MAST4: variants seen among roughly 807,000 people sequenced by gnomAD.
MAST4 encodes the protein microtubule-associated serine/threonine-protein kinase 4.
In MAST4, 89 loss-of-function variants were observed where a neutral mutation model predicts 162.7. That is an observed-to-expected ratio of 0.55 (90% CI 0.46 to 0.65). The LOEUF is 0.65. Among genes scored for constraint, MAST4 ranks in the 30% least tolerant of loss-of-function variants. The pLI is 0.00. For missense variants in MAST4, 3,153 were observed against 3,374.0 expected (o/e 0.93, Z 1.62); for synonymous variants, 1,479 against 1,361.1 (o/e 1.09, Z -1.91).
chr5:66,816,387 A>G (rs971023008), intron 3 of MAST4, among the ~76,000 whole-genome samples: 12 of 152,150 alleles, frequency 7.9e-5, no homozygotes, highest in African/African-American at 2.4e-4. Context: ...TTTCTAATCA[A>G]TCACCTCTCT....
chr5:66,907,860 A>AATAAAGG (rs1763490520), intron 4 of MAST4, among the ~76,000 whole-genome samples: 1 of 152,034 alleles, frequency 6.6e-6, no homozygotes, highest in Non-Finnish European at 1.5e-5. Context: ...ATTCAAACAA[A>AATAAAGG]ATAAAGGATG....
chr5:67,135,006 C>G (rs1176011973), intron 18 of MAST4, among the ~76,000 whole-genome samples: 2 of 152,142 alleles, frequency 1.3e-5, no homozygotes, highest in African/African-American at 4.8e-5. Flanking sequence ...GCCGTCCAGT[C>G]TTCCTTTCCA....
At chr5:66,850,499 T>C (rs1457036071) in intron 3 of MAST4, among the ~76,000 whole-genome samples, 1 of 152,182 alleles carries the variant, frequency 6.6e-6, no homozygotes, top group African/African-American at 2.4e-5. Context: ...GCTGTGAAAC[T>C]GGAAACTTTT....
At chr5:66,799,863 A>C (rs1012018794) in intron 3 of MAST4, among the ~76,000 whole-genome samples, 4 of 152,200 alleles carry the variant, frequency 2.6e-5, no homozygotes, top group African/African-American at 7.2e-5. Flanking sequence ...TGACCAAGGA[A>C]CATAACCTTC....
intron 5 of MAST4, among the ~76,000 whole-genome samples, chr5:67,087,349 T>C (rs557194019): frequency 6.6e-6 from 1 of 152,306 alleles, no homozygotes; most frequent in South Asian, 2.1e-4. Flanking sequence ...CCTCCTCCTC[T>C]GCTACTCCCC....
intron 11 of MAST4, 142 bp downstream of exon 11, chr5:67,110,341 T>C: frequency 1.6e-6 from 1 of 631,522 alleles, no homozygotes; most frequent in Admixed American, 2.6e-5. Context: ...ACGTTTATGA[T>C]GATGTCGATA....
chr5:66,743,058 C>T (rs1472124472), intron 1 of MAST4, among the ~76,000 whole-genome samples: 2 of 152,202 alleles, frequency 1.3e-5, no homozygotes, highest in Non-Finnish European at 2.9e-5. Context: ...AGCTTCCACT[C>T]CCTGCGCGGC....
Position 67,152,825 on chromosome 5 carries a change from G to A in MAST4, c.3484G>A (p.Val1162Met). ...TACCATCCGAGCCATCCGGGTGTATGTGGGAGACAGTGACATCTATACAGT... is the reference window on the plus strand; with the variant it reads ...TACCATCCGAGCCATCCGGGTGTATATGGGAGACAGTGACATCTATACAGT... ...GFTIRAIRVY[V>M]GDSDIYTVHH... Residue 1162 changes from valine (V) to methionine (M), a missense_variant, in exon 25 of 29, where the codon GTG becomes ATG. Val to Met is a conservative substitution (Grantham distance 21). Coordinates refer to ENST00000403625, the MANE Select transcript of MAST4 (RefSeq NM_001164664.2). 1 of 1,614,062 alleles carries A rather than the reference G, an allele frequency of 6.2e-7. No individual in the cohort carries two copies. Among genetic ancestry groups the A allele is most frequent in the Non-Finnish European group, 8.5e-7 (1 of 1,179,900 alleles).
rs149530554 is a variant in MAST4, at chr5:66,872,151, T to TTTTGTTTG, written c.643-27772_643-27765dup. Among the ~76,000 whole-genome samples the TTTTGTTTG allele has an allele frequency of 6.3e-3, 945 of 150,308 alleles. 11 individuals are homozygous for TTTTGTTTG. Among genetic ancestry groups the TTTTGTTTG allele is most frequent in the East Asian group, 0.041 (207 of 5,012 alleles). On this transcript the variant is annotated intron_variant, in intron 3 of 28. Transcript: ENST00000403625. ...ACTGACTGTGTATAGGATATAAATT[T>TTTTGTTTG]TTTGTTTGTTTGTTTGTTTGTTTGT... is the stretch of plus-strand genomic sequence containing the variant.
At chr5:67,137,759 C>T (rs1236603585) in intron 19 of MAST4, among the ~76,000 whole-genome samples, 6 of 152,254 alleles carry the variant, frequency 3.9e-5, no homozygotes, top group African/African-American at 1.2e-4. Flanking sequence ...GTAAATAAAG[C>T]GTTACTGAAA....
intron 4 of MAST4, among the ~76,000 whole-genome samples, chr5:67,016,070 T>C (rs538516610): frequency 6.6e-6 from 1 of 152,318 alleles, no homozygotes; most frequent in South Asian, 2.1e-4. Flanking sequence ...TAGCTCAATC[T>C]AGTGGGCTTT....
At chr5:66,819,835 G>A (rs1756909565) in intron 3 of MAST4, among the ~76,000 whole-genome samples, 1 of 149,576 alleles carries the variant, frequency 6.7e-6, no homozygotes, top group African/African-American at 2.5e-5. Context: ...GTGCACTGGT[G>A]CAATCTCAGC....
intron 11 of MAST4, among the ~76,000 whole-genome samples, 178 bp downstream of exon 11, chr5:67,110,377 A>G (rs1042761143): frequency 1.3e-5 from 2 of 152,212 alleles, no homozygotes; most frequent in African/African-American, 2.4e-5. Flanking sequence ...CTGATTTTAA[A>G]GAGACTTCTA....
chr5:66,826,484 T>A (rs1757262590), intron 3 of MAST4, among the ~76,000 whole-genome samples: 1 of 152,138 alleles, frequency 6.6e-6, no homozygotes, highest in African/African-American at 2.4e-5. Context: ...TGATAGTACT[T>A]CCAACTAGCT....
At position 66,759,718 on chromosome 5, in the gene MAST4, ATAT is replaced by A; in HGVS notation, c.377_379del (p.Leu126del). The stretch of plus-strand genomic sequence containing the variant: ...CTTCCTCTTTCTGCAGCTTGACCAC[ATAT>A]TATCCCCTCCACCCATGCCGTTTCG... On this transcript the variant is annotated inframe_deletion, in exon 2 of 29. Coordinates refer to ENST00000403625, the MANE Select transcript of MAST4 (RefSeq NM_001164664.2). The A allele has an allele frequency of 6.2e-7, 1 of 1,613,830 alleles. No homozygotes were observed. Among genetic ancestry groups the A allele is most frequent in the Non-Finnish European group, 8.5e-7 (1 of 1,179,822 alleles).
At chr5:66,650,764 AATAC>A (rs1447950008) in intron 1 of MAST4, among the ~76,000 whole-genome samples, 3 of 152,198 alleles carry the variant, frequency 2.0e-5, no homozygotes, top group Non-Finnish European at 4.4e-5. Context: ...GGTTAACACA[AATAC>A]ATAACATGGA....
chr5:67,116,208 GTTTT>G (rs936728970), intron 12 of MAST4, among the ~76,000 whole-genome samples: 2 of 125,346 alleles, frequency 1.6e-5, no homozygotes, highest in Admixed American at 7.7e-5. Flanking sequence ...TTGTTTGTTT[GTTTT>G]GTTTTGTTTT....
chr5:67,130,130 ATTTATATGG>A, intron 14 of MAST4, 71 bp from the exon 15 acceptor site: 6 of 1,320,964 alleles, frequency 4.5e-6, no homozygotes. Flanking sequence ...AAAGTTGATG[ATTTATATGG>A]TTTACTGTAT....
At chr5:66,864,967 G>A (rs570404053) in intron 3 of MAST4, among the ~76,000 whole-genome samples, 12 of 133,474 alleles carry the variant, frequency 9.0e-5, no homozygotes, top group Admixed American at 3.2e-4. Flanking sequence ...AGTTAAAACC[G>A]GTAGGATTTG....
Sources: gnomAD v4.1 joint callset for allele counts (sites outside exome capture counted in the v4.1 genomes callset) on GRCh38, gnomAD v4.1.1 for gene constraint, MANE v1.5 for transcripts, NCBI Gene and HGNC (gene_info 2026-07-23, HGNC 2026-07-21) for gene names.